The following PARD3B variants were observed in gnomAD, a reference collection of about 807,000 sequenced individuals.
The protein encoded by PARD3B is partitioning defective 3 homolog B.
Under a neutral mutation model 130.2 loss-of-function variants are expected in PARD3B, and 103 were observed. That is an observed-to-expected ratio of 0.79 (90% CI 0.67 to 0.93). PARD3B has a LOEUF of 0.93. Among genes scored for constraint, PARD3B ranks in the 40% least tolerant of loss-of-function variants. PARD3B has a pLI of 0.00. For synonymous variants in PARD3B, 583 were observed against 553.2 expected (o/e 1.05, Z -0.76); for missense variants, 1,609 against 1,499.2 (o/e 1.07, Z -1.21).
intron 14 of PARD3B, among the ~76,000 whole-genome samples, chr2:205,188,520 G>A (rs1290074164): frequency 6.6e-6 from 1 of 152,204 alleles, no homozygotes; most frequent in Non-Finnish European, 1.5e-5. Context: ...GGACTAGCAA[G>A]AGAAGAGCAG....
At chr2:205,034,985 T>G (rs1697702264) in intron 3 of PARD3B, among the ~76,000 whole-genome samples, 1 of 152,032 alleles carries the variant, frequency 6.6e-6, no homozygotes, top group Non-Finnish European at 1.5e-5. Flanking sequence ...TCCTCCAGAG[T>G]AGCTGGGATT....
At chr2:205,437,075 C>G (rs897690515) in intron 19 of PARD3B, among the ~76,000 whole-genome samples, 3 of 152,122 alleles carry the variant, frequency 2.0e-5, no homozygotes, top group Non-Finnish European at 4.4e-5. Context: ...CCTCTAGACT[C>G]CCTCCTTATT....
intron 4 of PARD3B, among the ~76,000 whole-genome samples, chr2:205,085,005 C>T (rs1701661574): frequency 1.3e-5 from 2 of 151,902 alleles, no homozygotes; most frequent in Admixed American, 6.6e-5. Context: ...GCTTAAATAC[C>T]TGATATCCTT....
intron 18 of PARD3B, among the ~76,000 whole-genome samples, chr2:205,361,808 G>A (rs1403304280): frequency 6.6e-6 from 1 of 150,716 alleles, no homozygotes; most frequent in African/African-American, 2.4e-5. Flanking sequence ...CCTCTTTAAA[G>A]TCCTCTCTGG....
At chr2:204,984,923 C>G (rs1452148160) in intron 3 of PARD3B, among the ~76,000 whole-genome samples, 1 of 151,940 alleles carries the variant, frequency 6.6e-6, no homozygotes, top group Non-Finnish European at 1.5e-5. Flanking sequence ...CCCCGCACCC[C>G]ACCCCAGATG....
chr2:204,710,977 T>G (rs1241740916), intron 2 of PARD3B, among the ~76,000 whole-genome samples: 1 of 152,134 alleles, frequency 6.6e-6, no homozygotes, highest in African/African-American at 2.4e-5. Flanking sequence ...GTAAAGGAGT[T>G]TTGTTTGGAA....
chr2:205,563,499 A>T lies in PARD3B; in HGVS notation c.3260+10096A>T, dbSNP rs2053211121. 1.3e-5 allele frequency among the ~76,000 whole-genome samples: 2 copies of T among 152,202 alleles called. No homozygotes were observed. Among genetic ancestry groups the T allele is most frequent in the African/African-American group, 4.8e-5 (2 of 41,448 alleles). ...CATGACTAACATTGGCAAGTCAAGGAGAGGTTGGAATGCTTACATCATCTG... is the reference window on the plus strand; with the variant it reads ...CATGACTAACATTGGCAAGTCAAGGTGAGGTTGGAATGCTTACATCATCTG... On this transcript the variant is annotated intron_variant, in intron 22 of 22. Coordinates refer to ENST00000406610, the MANE Select transcript of PARD3B (RefSeq NM_001302769.2). This position sits in a 1 kb window ranked among gnomAD's most constrained non-coding sequence, Gnocchi z 4.2.
At chr2:205,381,099 T>A (rs1476254818) in intron 18 of PARD3B, among the ~76,000 whole-genome samples, 1 of 95,928 alleles carries the variant, frequency 1.0e-5, no homozygotes, top group African/African-American at 4.5e-5. Context: ...GAATATATAA[T>A]ATATAAAGAA....
At chr2:204,549,262 A>G (rs1315802058) in intron 1 of PARD3B, among the ~76,000 whole-genome samples, 1 of 152,184 alleles carries the variant, frequency 6.6e-6, no homozygotes. Flanking sequence ...CTGAGAGGTG[A>G]GAACTGTGGG....
intron 18 of PARD3B, among the ~76,000 whole-genome samples, chr2:205,318,202 T>C (rs1186136095): frequency 6.6e-6 from 1 of 152,192 alleles, no homozygotes; most frequent in Non-Finnish European, 1.5e-5. Context: ...CTCTAGTCAA[T>C]GTATAGTAAA....
At chr2:204,923,582 G>C (rs918129598) in intron 2 of PARD3B, among the ~76,000 whole-genome samples, 4 of 151,940 alleles carry the variant, frequency 2.6e-5, no homozygotes, top group African/African-American at 9.7e-5. Flanking sequence ...TTCATATGGA[G>C]GTGGCAATTA....
chr2:204,760,760 T>C (rs1253705989), intron 2 of PARD3B, among the ~76,000 whole-genome samples: 1 of 152,166 alleles, frequency 6.6e-6, no homozygotes, highest in Non-Finnish European at 1.5e-5. Context: ...TATTTACTTT[T>C]CGTAGGTGAA....
chr2:204,935,419 G>A (rs1163208093), intron 2 of PARD3B, among the ~76,000 whole-genome samples: 3 of 150,716 alleles, frequency 2.0e-5, no homozygotes, highest in Non-Finnish European at 4.4e-5. Context: ...GGCGCCTGTA[G>A]TCCCAGCTAC....
chr2:204,811,652 G>A (rs1328400370), intron 2 of PARD3B, among the ~76,000 whole-genome samples: 1 of 152,118 alleles, frequency 6.6e-6, no homozygotes, highest in Non-Finnish European at 1.5e-5. Flanking sequence ...GAATGTAATT[G>A]TCTGCATAAG....
At chr2:205,484,113 A>T (rs2049347756) in intron 20 of PARD3B, among the ~76,000 whole-genome samples, 1 of 152,216 alleles carries the variant, frequency 6.6e-6, no homozygotes, top group African/African-American at 2.4e-5. Flanking sequence ...GAATTCGGGA[A>T]ACAAGGACAG....
At chr2:204,935,145 A>C (rs113245434) in intron 2 of PARD3B, among the ~76,000 whole-genome samples, 12,385 of 116,660 alleles carry the variant, frequency 0.11, 1,673 homozygotes, top group African/African-American at 0.33. Flanking sequence ...TGTTTTCCCT[A>C]CTTTTTTTTT....
At chr2:205,377,919 T>G (rs961658467) in intron 18 of PARD3B, among the ~76,000 whole-genome samples, 15 of 151,940 alleles carry the variant, frequency 9.9e-5, no homozygotes, top group Non-Finnish European at 1.6e-4. Flanking sequence ...TGCAGCCACG[T>G]GCCACCACGC....
chr2:205,170,059 T>C (rs1477210657), intron 11 of PARD3B, among the ~76,000 whole-genome samples: 1 of 151,636 alleles, frequency 6.6e-6, no homozygotes, highest in Non-Finnish European at 1.5e-5. Flanking sequence ...GCCTCCCGAG[T>C]AGCTGGGATT....
intron 1 of PARD3B, among the ~76,000 whole-genome samples, chr2:204,597,151 C>T (rs1346292894): frequency 6.6e-6 from 1 of 151,944 alleles, no homozygotes; most frequent in African/African-American, 2.4e-5. Context: ...TTTTGCGGTG[C>T]CCATGATCTT....
Sources: allele counts gnomAD v4.1 joint callset (sites outside exome capture counted in the v4.1 genomes callset), GRCh38; gene constraint gnomAD v4.1.1; non-coding constraint Gnocchi (gnomAD v3.1); transcripts MANE v1.5; gene names NCBI Gene and HGNC (gene_info 2026-07-23, HGNC 2026-07-21).